ANO5: variants seen among roughly 807,000 people sequenced by gnomAD.
ANO5 encodes the protein anoctamin 5, also known as anoctamin-5.
ANO5 carries 109 observed loss-of-function variants against 121.0 expected under a neutral mutation model. That is an observed-to-expected ratio of 0.90 (90% confidence interval 0.77 to 1.06). The LOEUF is 1.06. Ranked by LOEUF, ANO5 falls within the 50% of genes least tolerant of loss-of-function variation. The pLI, the probability that ANO5 is intolerant of heterozygous loss-of-function variation, is 0.00. For missense variants in ANO5, 1,064 were observed against 1,078.5 expected (o/e 0.99, Z 0.19); for synonymous variants, 406 against 359.9 (o/e 1.13, Z -1.45).
At chr11:22,252,386 T>C (rs1228531806) in intron 12 of ANO5, among the ~76,000 whole-genome samples, 1 of 152,198 alleles carries the variant, frequency 6.6e-6, no homozygotes, top group Non-Finnish European at 1.5e-5. Context: ...TTGAGAGAGA[T>C]TGTGCACCAA....
chr11:22,193,106 CG>C lies in ANO5; in HGVS notation c.-384del, dbSNP rs1471276924. On this transcript the variant is annotated 5_prime_UTR_variant, in exon 1 of 22. Coordinates refer to ENST00000324559, the MANE Select transcript of ANO5 (RefSeq NM_213599.3). The stretch of plus-strand genomic sequence containing the variant: ...GAGTGGAAAGGATCCTGGCGAGCAC[CG>C]GGAGGAGTGGCGGCTGCGGGATCAG... 1 of 1,108,884 alleles carries C rather than the reference CG, an allele frequency of 9.0e-7. No individual in the cohort carries two copies. Among genetic ancestry groups the C allele is most frequent in the Non-Finnish European group, 1.1e-6 (1 of 902,054 alleles). The allele number at this position is 1,108,884 out of a possible 1,614,324, so 68.7% of individuals were successfully genotyped here.
At chr11:22,213,080 A>T (rs553657472) in intron 3 of ANO5, among the ~76,000 whole-genome samples, 2 of 151,480 alleles carry the variant, frequency 1.3e-5, no homozygotes, top group South Asian at 4.1e-4. Flanking sequence ...AGATTTTATT[A>T]TAAATCTATT....
Position 22,213,890 on chromosome 11 carries a change from T to TG in ANO5, c.138+2576_138+2577insG, listed in dbSNP as rs1491150714. Among the ~76,000 whole-genome samples the TG allele has an allele frequency of 9.2e-5, 13 of 140,932 alleles. No homozygotes were observed. In the South Asian group the frequency reaches 2.0e-3, roughly 21 times the overall value. The allele number at this position is 140,932 out of a possible 152,430, so 92.5% of individuals were successfully genotyped here. A position where few individuals can be genotyped will look rare whatever the true frequency, so the allele number is the denominator to read the frequency against. ...TTTGGCTATTGGAAGTGGTGTTTTGTTTTTTGTTTTGTTTTGTTTTGTTTT... is the reference window on the plus strand; with the variant it reads ...TTTGGCTATTGGAAGTGGTGTTTTGTGTTTTTGTTTTGTTTTGTTTTGTTTT... On this transcript the variant is annotated intron_variant, in intron 3 of 21. Transcript: ENST00000324559.
In ANO5 at chr11:22,249,519, G is replaced by A. The variant is rs1853728626; in HGVS notation, c.879-718G>A. Reference sequence around the variant, plus strand: ...ACAACAAGAAAACCTGACTTTCTGAGGAGGAGAAAACTACTTTCTCTCATT... The same window carrying A: ...ACAACAAGAAAACCTGACTTTCTGAAGAGGAGAAAACTACTTTCTCTCATT... On this transcript the variant is annotated intron_variant, in intron 9 of 21. Coordinates refer to ENST00000324559, the MANE Select transcript of ANO5 (RefSeq NM_213599.3). 3.3e-5 allele frequency among the ~76,000 whole-genome samples: 5 copies of A among 152,034 alleles called. No homozygotes were observed. The South Asian group carries it at 1.0e-3, about 32-fold the overall frequency.
intron 3 of ANO5, among the ~76,000 whole-genome samples, chr11:22,215,553 C>T (rs1381338260): frequency 6.6e-6 from 1 of 151,928 alleles, no homozygotes; most frequent in Non-Finnish European, 1.5e-5. Context: ...TAAAAGCTAT[C>T]TCAAGATTAA....
rs991625488 is a variant in ANO5, at chr11:22,250,782, T to C, written c.1055T>C (p.Met352Thr). Reference protein sequence around the residue: ...CDPEIGGQMIMCPLCDQVCDY... With the variant: ...CDPEIGGQMITCPLCDQVCDY... The stretch of plus-strand genomic sequence containing the variant: ...CCTGAGATTGGTGGTCAGATGATCA[T>C]GTGCCCACTCTGTGATCAAGTGTGT... Residue 352 changes from methionine (M) to threonine (T), a missense_variant, in exon 11 of 22, where the codon ATG becomes ACG. Coordinates refer to ENST00000324559, the MANE Select transcript of ANO5 (RefSeq NM_213599.3). 1 of 1,613,988 alleles carries C rather than the reference T, an allele frequency of 6.2e-7. No individual in the cohort carries two copies. Among genetic ancestry groups the C allele is most frequent in the African/African-American group, 1.3e-5 (1 of 74,934 alleles).
Position 22,259,609 on chromosome 11 carries a change from T to A in ANO5, c.1498T>A (p.Ser500Thr). The change falls in exon 15 of 22, where the codon TCC becomes ACC. Residue 500 changes from serine to threonine, a missense_variant. Physicochemically the swap from Ser to Thr is moderately conservative, Grantham distance 58. Coordinates refer to ENST00000324559, the MANE Select transcript of ANO5 (RefSeq NM_213599.3). Reference sequence around the variant, plus strand: ...TGCTAGTTTCATGGAAAGTGATGCATCCTTAAAGCAGGTCAAAAGCTTCCT... The same window carrying A: ...TGCTAGTTTCATGGAAAGTGATGCAACCTTAAAGCAGGTCAAAAGCTTCCT... ...TFASFMESDA[S>T]LKQVKSFLTP... 6.2e-7 allele frequency: 1 copy of A among 1,614,116 alleles called. No individual in the cohort carries two copies. The highest frequency in any genetic ancestry group is 8.5e-7 in the Non-Finnish European group (1 of 1,179,998).
intron 3 of ANO5, among the ~76,000 whole-genome samples, chr11:22,211,964 A>G (rs1353447315): frequency 6.8e-6 from 1 of 147,480 alleles, no homozygotes; most frequent in Non-Finnish European, 1.5e-5. Flanking sequence ...AACAATTGAA[A>G]TGTTTTGTTT....
intron 1 of ANO5, among the ~76,000 whole-genome samples, chr11:22,194,889 A>G (rs6483832): frequency 3.3e-5 from 5 of 152,280 alleles, no homozygotes; most frequent in Middle Eastern, 3.4e-3. Context: ...TAATGCTGCT[A>G]TGAACATTGA....
chr11:22,244,560 T>G (rs1248531836), intron 9 of ANO5, among the ~76,000 whole-genome samples: 2 of 151,172 alleles, frequency 1.3e-5, no homozygotes, highest in East Asian at 3.9e-4. Flanking sequence ...AATCCTAAAT[T>G]TCTTGGAGGT....
intron 3 of ANO5, among the ~76,000 whole-genome samples, chr11:22,215,976 T>A (rs1223467229): frequency 6.6e-6 from 1 of 151,888 alleles, no homozygotes; most frequent in Non-Finnish European, 1.5e-5. Context: ...ATATTACTAA[T>A]AAATTCATTC....
intron 9 of ANO5, among the ~76,000 whole-genome samples, chr11:22,240,979 ATTTG>A (rs1382287385): frequency 1.3e-5 from 2 of 151,910 alleles, no homozygotes; most frequent in African/African-American, 4.8e-5. Flanking sequence ...TAATTCATTT[ATTTG>A]TTTTTCTATT....
At chr11:22,273,078 T>C in intron 19 of ANO5, 89 bp downstream of exon 19, 2 of 1,306,920 alleles carry the variant, frequency 1.5e-6, no homozygotes, top group South Asian at 2.4e-5. Context: ...TTACATGATT[T>C]CATTATGGTG....
In ANO5 at chr11:22,211,256, A is replaced by T. The variant is rs1306192601; in HGVS notation, c.88-8A>T. On this transcript the variant is annotated splice_polypyrimidine_tract_variant and splice_region_variant and intron_variant, in intron 2 of 21. Transcript: ENST00000324559. ...TAATAGCATTATATCTTCCCCTGGT[A>T]CTGTTAGCAGAGCCTGAGCAGCAGA... 6.2e-7 allele frequency: 1 copy of T among 1,611,794 alleles called. No individual in the cohort carries two copies. Among genetic ancestry groups the T allele is most frequent in the Non-Finnish European group, 8.5e-7 (1 of 1,178,368 alleles).
In ANO5 at chr11:22,193,149, G is replaced by A; in HGVS notation, c.-344G>A. 8.7e-7 allele frequency: 1 copy of A among 1,154,280 alleles called. No individual in the cohort carries two copies. Among genetic ancestry groups the A allele is most frequent in the Non-Finnish European group, 1.1e-6 (1 of 928,634 alleles). The allele number at this position is 1,154,280 out of a possible 1,614,324, so 71.5% of individuals were successfully genotyped here. ...CGGGATCAGCTGCCGAGCAGGCACA[G>A]GGACAGGTGCCTGGAGAAGTACTGG... On this transcript the variant is annotated 5_prime_UTR_variant, in exon 1 of 22. Transcript: ENST00000324559.
intron 14 of ANO5, among the ~76,000 whole-genome samples, chr11:22,258,849 G>A (rs1418259450): frequency 6.6e-6 from 1 of 152,074 alleles, no homozygotes; most frequent in Non-Finnish European, 1.5e-5. Context: ...AAATGCAAAA[G>A]AAGGCTGGGC....
chr11:22,210,052 G>A (rs1409055704), intron 2 of ANO5, among the ~76,000 whole-genome samples: 2 of 151,886 alleles, frequency 1.3e-5, no homozygotes, highest in African/African-American at 4.8e-5. Flanking sequence ...GCTATCTGTT[G>A]TATTTAGACG....
intron 17 of ANO5, among the ~76,000 whole-genome samples, chr11:22,263,745 G>A (rs949352022): frequency 1.3e-5 from 2 of 152,114 alleles, no homozygotes; most frequent in Non-Finnish European, 2.9e-5. Context: ...ATACAAAGTG[G>A]AGTAAAAGTG....
At chr11:22,202,481 A>G (rs892870013) in intron 1 of ANO5, among the ~76,000 whole-genome samples, 6 of 152,028 alleles carry the variant, frequency 3.9e-5, no homozygotes, top group Non-Finnish European at 7.4e-5. Context: ...GACTTATACA[A>G]TTGCTTTATT....
Sources: allele counts gnomAD v4.1 joint callset (sites outside exome capture counted in the v4.1 genomes callset), GRCh38; gene constraint gnomAD v4.1.1; transcripts MANE v1.5; gene names NCBI Gene and HGNC (gene_info 2026-07-23, HGNC 2026-07-21).